The following STXBP5L variants were observed in gnomAD, a reference collection of about 807,000 sequenced individuals.
STXBP5L encodes the protein syntaxin-binding protein 5-like.
In STXBP5L, 65 loss-of-function variants were observed where a neutral mutation model predicts 144.5. That is an observed-to-expected ratio of 0.45 (90% CI 0.37 to 0.55). STXBP5L has a LOEUF of 0.55. STXBP5L is among the 20% of genes least tolerant of loss of function. The pLI is 0.00. For synonymous variants in STXBP5L, 505 were observed against 469.6 expected, an observed-to-expected ratio of 1.08 and a Z score of -0.97; for missense variants, 1,298 against 1,405.5, an observed-to-expected ratio of 0.92 and a Z score of 1.22.
At chr3:121,027,374 G>A (rs1216260689) in intron 3 of STXBP5L, among the ~76,000 whole-genome samples, 1 of 152,116 alleles carries the variant, frequency 6.6e-6, no homozygotes, top group Non-Finnish European at 1.5e-5. Flanking sequence ...TAACTTAATA[G>A]CATCCATGTA....
intron 5 of STXBP5L, among the ~76,000 whole-genome samples, chr3:121,074,808 A>G (rs989004141): frequency 6.6e-6 from 1 of 152,154 alleles, no homozygotes; most frequent in Admixed American, 6.5e-5. Context: ...TTCTGGAGCA[A>G]GGCTTTTCCT....
intron 3 of STXBP5L, among the ~76,000 whole-genome samples, chr3:120,970,042 G>C (rs540971570): frequency 2.6e-5 from 4 of 152,106 alleles, no homozygotes; most frequent in Non-Finnish European, 5.9e-5. Flanking sequence ...ATTGCATAGA[G>C]AAGAAAAGTA....
chr3:121,026,664 G>T (rs1423923816), intron 3 of STXBP5L, among the ~76,000 whole-genome samples: 1 of 151,992 alleles, frequency 6.6e-6, no homozygotes, highest in Non-Finnish European at 1.5e-5. Flanking sequence ...TGAATAAGCA[G>T]AGAAAGCATC....
chr3:121,360,688 T>C (rs949237388), intron 20 of STXBP5L, among the ~76,000 whole-genome samples: 5 of 152,148 alleles, frequency 3.3e-5, no homozygotes, highest in Non-Finnish European at 7.4e-5. Context: ...AAAACTCACC[T>C]TAAGTTTGTC....
chr3:121,407,709 G>A, intron 23 of STXBP5L, 106 bp downstream of exon 23: 1 of 1,398,838 alleles, frequency 7.1e-7, no homozygotes. Flanking sequence ...AGCAAACTGA[G>A]ATTATTGTTT....
At chr3:120,968,022 A>G (rs1000907610) in intron 3 of STXBP5L, among the ~76,000 whole-genome samples, 1 of 152,200 alleles carries the variant, frequency 6.6e-6, no homozygotes, top group Non-Finnish European at 1.5e-5. Context: ...GACCTAACAT[A>G]TGGTCTGTCC....
At chr3:121,106,822 G>C (rs1024993434) in intron 5 of STXBP5L, among the ~76,000 whole-genome samples, 4 of 152,136 alleles carry the variant, frequency 2.6e-5, no homozygotes, top group African/African-American at 9.7e-5. Context: ...TTGTCACACT[G>C]TCTTCCACAA....
intron 20 of STXBP5L, among the ~76,000 whole-genome samples, chr3:121,356,741 A>G (rs571873589): frequency 1.6e-4 from 25 of 152,356 alleles, no homozygotes; most frequent in Admixed American, 7.2e-4. Context: ...GTACCTCAAT[A>G]GGAAATGCAG....
At position 121,415,967 on chromosome 3, in the gene STXBP5L, C is replaced by T. The variant is rs2047222583; in HGVS notation, c.3225C>T (p.Leu1075=). ...GACAAACATTTGACAGAGAAGAGCT[C>T]TGTGAGTAAATTCCTGATTATAGAA... ...GSGQTFDREE[L]FGEASAGKAS... is the part of the protein sequence containing the mutation. The change falls in exon 25 of 27, where the codon CTC becomes CTT. Residue 1075 remains leucine, a splice_region_variant and synonymous_variant. Coordinates refer to ENST00000471454, the MANE Select transcript of STXBP5L (RefSeq NM_001308330.2). 1 of 1,610,916 alleles carries T rather than the reference C, an allele frequency of 6.2e-7. No homozygotes were observed. The highest frequency in any genetic ancestry group is 1.7e-4 in the Middle Eastern group (1 of 6,042).
At chr3:120,934,678 T>G (rs568729087) in intron 2 of STXBP5L, among the ~76,000 whole-genome samples, 14 of 152,204 alleles carry the variant, frequency 9.2e-5, no homozygotes, top group African/African-American at 3.4e-4. Context: ...GCTCTATTGT[T>G]AGACACATAG....
intron 3 of STXBP5L, among the ~76,000 whole-genome samples, chr3:120,957,954 T>G (rs1938237189): frequency 6.6e-6 from 1 of 151,984 alleles, no homozygotes; most frequent in African/African-American, 2.4e-5. Context: ...TTTCAAAAAA[T>G]CAACGAATCC....
chr3:121,100,999 C>T (rs2043394916), intron 5 of STXBP5L, among the ~76,000 whole-genome samples: 2 of 151,996 alleles, frequency 1.3e-5, no homozygotes, highest in African/African-American at 2.4e-5. Context: ...CTAGAGGAAA[C>T]GGATAAATCC....
intron 2 of STXBP5L, among the ~76,000 whole-genome samples, chr3:120,910,301 T>G (rs1195857894): frequency 6.6e-6 from 1 of 152,186 alleles, no homozygotes; most frequent in Non-Finnish European, 1.5e-5. Context: ...GAACTTGCAG[T>G]TGTAGGAACT....
chr3:121,357,019 C>A, intron 20 of STXBP5L: 1 of 199,970 alleles, frequency 5.0e-6, no homozygotes, highest in East Asian at 1.2e-4. Context: ...TTCCTAGAGC[C>A]AATCACGTGT....
At chr3:121,243,607 T>G (rs2049744271) in intron 14 of STXBP5L, among the ~76,000 whole-genome samples, 1 of 152,004 alleles carries the variant, frequency 6.6e-6, no homozygotes, top group South Asian at 2.1e-4. Flanking sequence ...GAATACTCAC[T>G]GGCAGCACTT....
intron 5 of STXBP5L, among the ~76,000 whole-genome samples, chr3:121,056,956 G>A (rs1234918056): frequency 6.7e-6 from 1 of 150,202 alleles, no homozygotes; most frequent in African/African-American, 2.4e-5. Flanking sequence ...ATATTATAAA[G>A]AGGGAAAAAA....
intron 20 of STXBP5L, among the ~76,000 whole-genome samples, chr3:121,333,032 T>C (rs1420852403): frequency 6.6e-6 from 1 of 152,148 alleles, no homozygotes; most frequent in Non-Finnish European, 1.5e-5. Context: ...AAGCAAAGGC[T>C]GTGGGAACTT....
At chr3:121,387,926 CA>C (rs1223022069) in intron 22 of STXBP5L, among the ~76,000 whole-genome samples, 1 of 151,986 alleles carries the variant, frequency 6.6e-6, no homozygotes, top group Non-Finnish European at 1.5e-5. Context: ...TAGTTTTTTC[CA>C]ATTCTGTGAA....
At chr3:120,950,949 A>G (rs1202176663) in intron 2 of STXBP5L, among the ~76,000 whole-genome samples, 3 of 152,192 alleles carry the variant, frequency 2.0e-5, no homozygotes, top group Non-Finnish European at 4.4e-5. Context: ...ACTGGTACCA[A>G]AACAGATATA....
Sources: allele counts gnomAD v4.1 joint callset (sites outside exome capture counted in the v4.1 genomes callset), GRCh38; gene constraint gnomAD v4.1.1; transcripts MANE v1.5; gene names NCBI Gene and HGNC (gene_info 2026-07-23, HGNC 2026-07-21).